Variants in CHST9 observed in about 807,000 individuals in gnomAD.
CHST9 encodes the protein GalNAc-4-sulfotransferase 2.
In CHST9, 41 loss-of-function variants were observed where a neutral mutation model predicts 44.4. The observed-to-expected ratio is 0.92, with a 90% confidence interval of 0.72 to 1.20. The LOEUF (loss-of-function observed/expected upper bound fraction) is 1.20, where lower values mean the gene tolerates loss of function less well. Ranked by LOEUF, CHST9 falls within the 50% of genes most tolerant of loss-of-function variation. The probability of loss-of-function intolerance (pLI) is 0.00; values close to 1 mark genes in which losing one functional copy is unlikely to be tolerated. For missense variants in CHST9, 504 were observed against 516.5 expected (o/e 0.98, Z 0.23); for synonymous variants, 171 against 178.4 (o/e 0.96, Z 0.33).
intron 4 of CHST9, among the ~76,000 whole-genome samples, chr18:26,949,334 G>T (rs528050204): frequency 6.6e-6 from 1 of 152,222 alleles, no homozygotes; most frequent in African/African-American, 2.4e-5. Context: ...TCTGGCAGAT[G>T]ATAGCATTAT....
chr18:27,067,112 C>T lies in CHST9; in HGVS notation c.122-18609G>A, dbSNP rs375573995. 1.8e-4 allele frequency among the ~76,000 whole-genome samples: 27 copies of T among 152,194 alleles called. No homozygotes were observed. The East Asian group carries it at 4.2e-3, about 24-fold the overall frequency. ...TGGTATGGTACCATTTATTATTGCA[C>T]CACCCAATCAATATTTTCATAGTTA... is the stretch of plus-strand genomic sequence containing the variant. On this transcript the variant is annotated intron_variant, in intron 2 of 5. Transcript: ENST00000618847.
intron 4 of CHST9, among the ~76,000 whole-genome samples, chr18:26,966,880 T>TAAA (rs35286743): frequency 5.9e-4 from 76 of 128,590 alleles, no homozygotes; most frequent in African/African-American, 2.2e-3. Context: ...TTACTTTCTT[T>TAAA]AAAAAAAAAA....
chr18:27,040,003 T>C (rs2057427781), intron 3 of CHST9, among the ~76,000 whole-genome samples: 1 of 152,062 alleles, frequency 6.6e-6, no homozygotes, highest in Non-Finnish European at 1.5e-5. Context: ...CTTGGTAAAA[T>C]TGCATTTCGG....
chr18:27,037,246 T>C (rs1331852544), intron 3 of CHST9, among the ~76,000 whole-genome samples: 1 of 152,198 alleles, frequency 6.6e-6, no homozygotes, highest in Non-Finnish European at 1.5e-5. Flanking sequence ...CTGTTACTTT[T>C]CACCCAGAAA....
chr18:27,024,093 A>C (rs959413196), intron 4 of CHST9, 23 bp downstream of exon 4: 18 of 1,608,982 alleles, frequency 1.1e-5, no homozygotes, highest in Non-Finnish European at 1.5e-5. Flanking sequence ...CCAAGATTCA[A>C]ACATTATGAG....
intron 5 of CHST9, among the ~76,000 whole-genome samples, chr18:26,927,213 T>C (rs970739102): frequency 6.6e-6 from 1 of 152,104 alleles, no homozygotes; most frequent in African/African-American, 2.4e-5. Flanking sequence ...TTTCAAAATG[T>C]CAAGTTTTCT....
chr18:27,124,989 G>A (rs923394561), intron 2 of CHST9, among the ~76,000 whole-genome samples: 2 of 152,156 alleles, frequency 1.3e-5, no homozygotes, highest in Non-Finnish European at 2.9e-5. Context: ...TTGGTTTATT[G>A]AGTGTATGAA....
rs545696626 is a variant in CHST9, at chr18:26,959,035, C to T, written c.203-14669G>A. On this transcript the variant is annotated intron_variant, in intron 4 of 5. Coordinates refer to ENST00000618847, the MANE Select transcript of CHST9 (RefSeq NM_031422.6). Reference sequence around the variant, plus strand: ...ATGCACTCATATGTTCATTGCAGCACTATTCACAATAGCAAGACATGAAAT... The same window carrying T: ...ATGCACTCATATGTTCATTGCAGCATTATTCACAATAGCAAGACATGAAAT... 6.6e-5 allele frequency among the ~76,000 whole-genome samples: 10 copies of T among 152,282 alleles called. No individual in the cohort carries two copies. The East Asian group carries it at 1.9e-3, about 29-fold the overall frequency.
At chr18:27,096,613 C>T (rs535139450) in intron 2 of CHST9, among the ~76,000 whole-genome samples, 26 of 151,932 alleles carry the variant, frequency 1.7e-4, no homozygotes, top group African/African-American at 5.8e-4. Context: ...ACAACCAATC[C>T]CACAGAAATA....
intron 2 of CHST9, among the ~76,000 whole-genome samples, chr18:27,053,269 A>AAGAAGAAGAAGAAGAAGAAGAG (rs1568151239): frequency 8.8e-6 from 1 of 114,282 alleles, no homozygotes; most frequent in African/African-American, 3.5e-5. Context: ...AAGGAGAAGG[A>AAGAAGAAGAAGAAGAAGAAGAG]GAAGGAGAAG....
intron 2 of CHST9, among the ~76,000 whole-genome samples, chr18:27,119,926 T>C (rs1489796624): frequency 1.3e-5 from 2 of 152,182 alleles, no homozygotes; most frequent in African/African-American, 4.8e-5. Context: ...GGGAGATCAA[T>C]ACTAGACTGA....
chr18:26,911,091 T>A lies in CHST9; in HGVS notation c.*5168A>T, dbSNP rs1410100466. ...CTCAGCTCCCTTCCCTCAGCTGCCC[T>A]GCTCTAGCACCTTCCTTTCAGATCC... On this transcript the variant is annotated 3_prime_UTR_variant, in exon 6 of 6. Transcript: ENST00000618847. 2 of 152,250 alleles carry A rather than the reference T, an allele frequency of 1.3e-5. No individual in the cohort carries two copies. The highest frequency in any genetic ancestry group is 2.4e-5 in the African/African-American group (1 of 41,466). The allele number at this position is 152,250 out of a possible 1,614,324, so 9.4% of individuals were successfully genotyped here.
At chr18:26,947,732 A>G (rs1184192209) in intron 4 of CHST9, among the ~76,000 whole-genome samples, 1 of 152,210 alleles carries the variant, frequency 6.6e-6, no homozygotes, top group East Asian at 1.9e-4. Flanking sequence ...AGCGATCATT[A>G]AAAAGTCAGG....
chr18:27,001,389 A>C (rs984096869), intron 4 of CHST9, among the ~76,000 whole-genome samples: 7 of 152,218 alleles, frequency 4.6e-5, no homozygotes, highest in African/African-American at 1.7e-4. Flanking sequence ...ATCTAGTCCA[A>C]GAATGTATTT....
chr18:26,942,250 A>G (rs2056094399), intron 5 of CHST9, among the ~76,000 whole-genome samples: 1 of 152,308 alleles, frequency 6.6e-6, no homozygotes. Context: ...TTGTATTGCC[A>G]GTGTATCATT....
chr18:27,057,107 G>C (rs1269378296), intron 2 of CHST9, among the ~76,000 whole-genome samples: 4 of 152,212 alleles, frequency 2.6e-5, no homozygotes, highest in Admixed American at 2.6e-4. Context: ...CTAGAAATCA[G>C]AGACCTCCCT....
At chr18:26,958,220 T>C (rs1314720859) in intron 4 of CHST9, among the ~76,000 whole-genome samples, 1 of 152,016 alleles carries the variant, frequency 6.6e-6, no homozygotes. Flanking sequence ...TGCCAGGCTA[T>C]ATGATATTTG....
Position 26,908,374 on chromosome 18 carries a change from GC to G in CHST9, c.*7884del, listed in dbSNP as rs1180598990. On this transcript the variant is annotated 3_prime_UTR_variant, in exon 6 of 6. Transcript: ENST00000618847. ...GGAGGTTGCAGTGAGCAGAGATGGT[GC>G]CACTGCACTGCAGCCTGGGCGACAA... 2 of 151,976 alleles carry G rather than the reference GC, an allele frequency of 1.3e-5. No homozygotes were observed. Among genetic ancestry groups the G allele is most frequent in the African/African-American group, 2.4e-5 (1 of 41,384 alleles). 9.4% of individuals were successfully genotyped at this position (151,976 alleles called of 1,614,324 possible).
At chr18:27,067,263 G>C (rs2057791767) in intron 2 of CHST9, among the ~76,000 whole-genome samples, 1 of 151,466 alleles carries the variant, frequency 6.6e-6, no homozygotes. Context: ...GTTCAATTTT[G>C]TTTAGAAGAT....
Sources: allele counts gnomAD v4.1 joint callset (sites outside exome capture counted in the v4.1 genomes callset), GRCh38; gene constraint gnomAD v4.1.1; transcripts MANE v1.5; gene names NCBI Gene and HGNC (gene_info 2026-07-23, HGNC 2026-07-21).